SPMIP3: variants seen among roughly 807,000 people sequenced by gnomAD.
SPMIP3 encodes protein SPMIP3.
At chr1:244,367,046 C>A in the SPMIP3 span, among the ~76,000 whole-genome samples, 4 of 152,016 alleles carry the variant, frequency 2.6e-5, no homozygotes, top group African/African-American at 7.2e-5. Context: ...AGTTGTCAGC[C>A]GAGCATGATG....
the SPMIP3 span, among the ~76,000 whole-genome samples, chr1:244,354,435 A>G: frequency 6.7e-6 from 1 of 149,148 alleles, no homozygotes; most frequent in Non-Finnish European, 1.5e-5. Flanking sequence ...TGGCTCACTG[A>G]AGCTTCCACC....
chr1:244,372,634 T>G, the SPMIP3 span, among the ~76,000 whole-genome samples: 8,049 of 152,036 alleles, frequency 0.053, 521 homozygotes, highest in African/African-American at 0.16. Context: ...TAGTAGAGAC[T>G]GGGTTTCACC....
chr1:244,385,242 G>A, the SPMIP3 span, among the ~76,000 whole-genome samples: 1 of 152,150 alleles, frequency 6.6e-6, no homozygotes, highest in Non-Finnish European at 1.5e-5. Context: ...GTCTAGATTA[G>A]CAAGGATTTA....
the SPMIP3 span, among the ~76,000 whole-genome samples, chr1:244,385,231 T>G: frequency 6.6e-6 from 1 of 152,212 alleles, no homozygotes; most frequent in Non-Finnish European, 1.5e-5. Context: ...GCAGAAGGTA[T>G]GTCTAGATTA....
At chr1:244,357,984 AG>A in the SPMIP3 span, among the ~76,000 whole-genome samples, 1 of 152,282 alleles carries the variant, frequency 6.6e-6, no homozygotes, top group East Asian at 1.9e-4. Context: ...GCTACTCAGA[AG>A]GCTGAAGGGG....
the SPMIP3 span, among the ~76,000 whole-genome samples, chr1:244,385,094 G>C: frequency 6.6e-6 from 1 of 152,024 alleles, no homozygotes; most frequent in Non-Finnish European, 1.5e-5. Flanking sequence ...TAGAGACAAG[G>C]TTTCACCATC....
the SPMIP3 span, among the ~76,000 whole-genome samples, chr1:244,366,035 C>A: frequency 6.6e-6 from 1 of 152,274 alleles, no homozygotes; most frequent in African/African-American, 2.4e-5. Context: ...CCCCACTCCC[C>A]CTTCACCACC....
chr1:244,388,272 T>C, the SPMIP3 span, among the ~76,000 whole-genome samples: 1 of 152,274 alleles, frequency 6.6e-6, no homozygotes, highest in East Asian at 1.9e-4. Context: ...GCAAAAAATA[T>C]TTTGTATATA....
chr1:244,359,596 G>A, the SPMIP3 span, among the ~76,000 whole-genome samples: 13 of 152,108 alleles, frequency 8.5e-5, no homozygotes, highest in African/African-American at 2.4e-4. Context: ...GGTGGCGGGC[G>A]CCTGTAATCC....
the SPMIP3 span, among the ~76,000 whole-genome samples, chr1:244,373,337 T>TATATATATATATATATATATATATATAG: frequency 7.7e-6 from 1 of 130,548 alleles, no homozygotes; most frequent in African/African-American, 2.8e-5. Flanking sequence ...AAAAATTATA[T>TATATATATATATATATATATATATATAG]ATATATATAT....
the SPMIP3 span, among the ~76,000 whole-genome samples, chr1:244,359,250 G>T: frequency 1.3e-5 from 2 of 151,792 alleles, no homozygotes; most frequent in Non-Finnish European, 2.9e-5. Context: ...TAGGAGCATA[G>T]ACTTGGACTC....
the SPMIP3 span, among the ~76,000 whole-genome samples, chr1:244,371,692 G>A: frequency 4.6e-5 from 7 of 152,312 alleles, no homozygotes; most frequent in African/African-American, 7.2e-5. Flanking sequence ...CCAGCCCACC[G>A]CCCACAGCCC....
At chr1:244,375,517 A>G in the SPMIP3 span, 1 of 1,506,804 alleles carries the variant, frequency 6.6e-7, no homozygotes, top group South Asian at 1.1e-5. Context: ...GAAAGCTACA[A>G]TGATAAAAAG....
the SPMIP3 span, among the ~76,000 whole-genome samples, chr1:244,387,742 T>C: frequency 4.6e-5 from 7 of 152,100 alleles, no homozygotes; most frequent in East Asian, 1.4e-3. Context: ...ATATCAGTGT[T>C]TCAGGTGAAG....
chr1:244,357,475 C>T, the SPMIP3 span, among the ~76,000 whole-genome samples: 1 of 151,600 alleles, frequency 6.6e-6, no homozygotes, highest in Non-Finnish European at 1.5e-5. Flanking sequence ...TTTGGGGGGG[C>T]CAAGGTGGGT....
At chr1:244,358,048 C>G in the SPMIP3 span, among the ~76,000 whole-genome samples, 1 of 151,426 alleles carries the variant, frequency 6.6e-6, no homozygotes, top group East Asian at 2.0e-4. Context: ...CATGGTGAAA[C>G]CCCATCTCTA....
At chr1:244,376,365 C>T in the SPMIP3 span, 8 of 152,132 alleles carry the variant, frequency 5.3e-5, no homozygotes, top group African/African-American at 1.9e-4. Context: ...GAGTTCACAG[C>T]GATATACTCA....
the SPMIP3 span, among the ~76,000 whole-genome samples, chr1:244,355,014 T>C: frequency 6.6e-6 from 1 of 152,226 alleles, no homozygotes; most frequent in African/African-American, 2.4e-5. Context: ...CACGTGTCTT[T>C]TGCTGAACGC....
chr1:244,375,572 T>G, the SPMIP3 span: 1 of 675,634 alleles, frequency 1.5e-6, no homozygotes, highest in Non-Finnish European at 2.4e-6. Flanking sequence ...ATACTGATGA[T>G]AGCAAAAATA....
Sources: allele counts gnomAD v4.1 joint callset (sites outside exome capture counted in the v4.1 genomes callset), GRCh38; gene constraint gnomAD v4.1.1; transcripts MANE v1.5; gene names NCBI Gene and HGNC (gene_info 2026-07-23, HGNC 2026-07-21).